HDAC4: variants seen among roughly 807,000 people sequenced by gnomAD.
The protein encoded by HDAC4 is histone deacetylase 4, also known as histone deacetylase A.
A neutral mutation model predicts 135.1 loss-of-function variants in HDAC4; 16 were observed. The observed-to-expected ratio is 0.12, with a 90% CI of 0.08 to 0.18. The LOEUF (loss-of-function observed/expected upper bound fraction) is 0.18, where lower values mean the gene tolerates loss of function less well. Ranked by LOEUF, HDAC4 falls within the 10% of genes least tolerant of loss-of-function variation. The pLI is 1.00. For missense variants in HDAC4, 1,143 were observed against 1,511.8 expected, an observed-to-expected ratio of 0.76 and a Z score of 4.05; for synonymous variants, 685 against 653.4, an observed-to-expected ratio of 1.05 and a Z score of -0.74.
chr2:239,337,322 C>T (rs13431432), intron 2 of HDAC4, among the ~76,000 whole-genome samples: 4 of 152,246 alleles, frequency 2.6e-5, no homozygotes, highest in Middle Eastern at 3.4e-3. Context: ...AGGCAGAAAA[C>T]GTCCACTTTG....
At position 239,180,817 on chromosome 2, in the gene HDAC4, C is replaced by A. The variant is rs143281769; in HGVS notation, c.340-4254G>T. ...CAGGCAGAAACCGCCTGCCCCATTG[C>A]AGTGACCCCAGCAGATAGCTCTGGA... On this transcript the variant is annotated intron_variant, in intron 4 of 26. Coordinates refer to ENST00000543185, the MANE Select transcript of HDAC4 (RefSeq NM_001378414.1). 4.7e-3 allele frequency among the ~76,000 whole-genome samples: 712 copies of A among 152,364 alleles called. 5 individuals carry two copies. Among genetic ancestry groups the A allele is most frequent in the Non-Finnish European group, 6.9e-3 (468 of 68,030 alleles).
At chr2:239,151,749 C>G in intron 7 of HDAC4, among the ~76,000 whole-genome samples, 1 of 152,224 alleles carries the variant, frequency 6.6e-6, no homozygotes, top group East Asian at 1.9e-4. Flanking sequence ...AACTTCTCAC[C>G]AAACGTGAGC....
intron 2 of HDAC4, among the ~76,000 whole-genome samples, chr2:239,266,343 C>A (rs192758523): frequency 6.6e-6 from 1 of 152,324 alleles, no homozygotes; most frequent in Admixed American, 6.5e-5. Flanking sequence ...CAATGCCCTG[C>A]ACTGCAAGCC....
At chr2:239,143,195 AG>A (rs759487152) in intron 8 of HDAC4, among the ~76,000 whole-genome samples, 2 of 152,190 alleles carry the variant, frequency 1.3e-5, no homozygotes, top group Non-Finnish European at 2.9e-5. Context: ...GGGTGACAAC[AG>A]GAACACCAGC....
rs1277137921 is a variant in HDAC4 at position 239,134,394 on chromosome 2, T to C, written c.1145A>G (p.Gln382Arg). The C allele has an allele frequency of 3.1e-6, 5 of 1,613,662 alleles. No individual in the cohort carries two copies. The highest frequency in any genetic ancestry group is 1.3e-5 in the African/African-American group (1 of 74,994). The change falls in exon 11 of 27, where the codon CAG becomes CGG. Residue 382 changes from glutamine to arginine, a missense_variant. This residue lies in a region of HDAC4 where 272 missense variants were observed against 309.7 expected (regional missense o/e 0.88). Coordinates refer to ENST00000543185, the MANE Select transcript of HDAC4 (RefSeq NM_001378414.1). Reference sequence around the variant, plus strand: ...GCCGGGGAAAAGGGAGAGCCTCTGCTGGAGGGCGGGAAGGGTGAGTCTCTC... The same window carrying C: ...GCCGGGGAAAAGGGAGAGCCTCTGCCGGAGGGCGGGAAGGGTGAGTCTCTC... ...DAERLTLPAL[Q>R]QRLSLFPGTH...
In HDAC4 at chr2:239,331,426, A is replaced by G. The variant is rs1051558855; in HGVS notation, c.22+21252T>C. ...CATAAAATATCTGAATAAAAGTGCT[A>G]TAAGAGCTGCTCAAGGCTGCAGATA... On this transcript the variant is annotated intron_variant, in intron 2 of 26. Coordinates refer to ENST00000543185, the MANE Select transcript of HDAC4 (RefSeq NM_001378414.1). The surrounding 1 kb of genome is among the most constrained non-coding windows in gnomAD (Gnocchi z 4.5). Among the ~76,000 whole-genome samples the G allele has an allele frequency of 1.3e-5, 2 of 152,214 alleles. No individual in the cohort carries two copies. The highest frequency in any genetic ancestry group is 1.5e-5 in the Non-Finnish European group (1 of 68,036).
chr2:239,130,984 TC>T (rs2040539381), intron 11 of HDAC4, among the ~76,000 whole-genome samples: 1 of 152,194 alleles, frequency 6.6e-6, no homozygotes, highest in South Asian at 2.1e-4. Flanking sequence ...GGGAATGGGC[TC>T]CTGAGCTCCA....
chr2:239,115,925 T>C lies in HDAC4; in HGVS notation c.1534-615A>G, dbSNP rs1042925293. 3.3e-5 allele frequency among the ~76,000 whole-genome samples: 5 copies of C among 152,114 alleles called. No homozygotes were observed. The highest frequency in any genetic ancestry group is 6.5e-5 in the Admixed American group (1 of 15,282). On this transcript the variant is annotated intron_variant, in intron 12 of 26. Coordinates refer to ENST00000543185, the MANE Select transcript of HDAC4 (RefSeq NM_001378414.1). The surrounding 1 kb of genome is among the most constrained non-coding windows in gnomAD (Gnocchi z 6.3). ...CTTCTGCAGGATCTCAGGGACACCA[T>C]GACCTCCTTTCTTGCAGGATTCCAT...
chr2:239,333,820 A>G (rs373701847), intron 2 of HDAC4, among the ~76,000 whole-genome samples: 3 of 152,344 alleles, frequency 2.0e-5, no homozygotes, highest in African/African-American at 2.4e-5. Context: ...AACTGCATTC[A>G]TCTCATGGAC....
chr2:239,109,655 CAATG>C (rs1389625475), intron 14 of HDAC4, among the ~76,000 whole-genome samples: 3 of 150,264 alleles, frequency 2.0e-5, no homozygotes, highest in Non-Finnish European at 4.4e-5. Context: ...TTACAGGAGT[CAATG>C]AAACTAGGAC....
chr2:239,314,511 A>G (rs2053034737), intron 2 of HDAC4, among the ~76,000 whole-genome samples: 1 of 152,236 alleles, frequency 6.6e-6, no homozygotes, highest in Admixed American at 6.5e-5. Flanking sequence ...TAAGGAAGAA[A>G]GGAGACAGAT....
chr2:239,365,486 G>C (rs1694129859), intron 1 of HDAC4, among the ~76,000 whole-genome samples: 1 of 152,242 alleles, frequency 6.6e-6, no homozygotes, highest in South Asian at 2.1e-4. Flanking sequence ...TCTGATTCTG[G>C]AACGTTCGGA....
At chr2:239,200,621 ATAT>A (rs762984941) in intron 3 of HDAC4, among the ~76,000 whole-genome samples, 3 of 152,200 alleles carry the variant, frequency 2.0e-5, no homozygotes, top group Non-Finnish European at 4.4e-5. Context: ...AGAATAAAAA[ATAT>A]TATGGTGCAA....
At chr2:239,302,173 T>A (rs1313590233) in intron 2 of HDAC4, among the ~76,000 whole-genome samples, 1 of 152,202 alleles carries the variant, frequency 6.6e-6, no homozygotes, top group African/African-American at 2.4e-5. Flanking sequence ...CTGCAGGCTT[T>A]ACTGTGAAAT....
intron 2 of HDAC4, among the ~76,000 whole-genome samples, chr2:239,321,392 G>A (rs527239894): frequency 6.7e-6 from 1 of 149,626 alleles, no homozygotes; most frequent in Admixed American, 6.7e-5. Context: ...GTGAACCCGG[G>A]AGACGGAGCT....
intron 4 of HDAC4, chr2:239,187,129 T>C (rs1462947791): frequency 6.5e-6 from 1 of 152,704 alleles, no homozygotes; most frequent in Non-Finnish European, 1.5e-5. Flanking sequence ...CAGGAGCCCC[T>C]GAGGCCATCC....
At chr2:239,209,975 G>A (rs1482200873) in intron 3 of HDAC4, among the ~76,000 whole-genome samples, 2 of 152,186 alleles carry the variant, frequency 1.3e-5, no homozygotes, top group African/African-American at 4.8e-5. Flanking sequence ...GGGTGGAGAG[G>A]CAGGGAGCGG....
intron 7 of HDAC4, among the ~76,000 whole-genome samples, chr2:239,153,772 C>G (rs1343510821): frequency 1.3e-5 from 2 of 152,214 alleles, no homozygotes; most frequent in Non-Finnish European, 2.9e-5. Flanking sequence ...AGGTTAGAAG[C>G]ACAGTAGAAG....
Position 239,108,191 on chromosome 2 carries a change from G to A in HDAC4, c.1979-8C>T, listed in dbSNP as rs201875453. 2.7e-4 allele frequency: 434 copies of A among 1,592,666 alleles called. No individual in the cohort carries two copies. Among genetic ancestry groups the A allele is most frequent in the East Asian group, 4.6e-4 (20 of 43,676 alleles). ...GCGTGTCATACACGAGGCCTGGGGC[G>A]GGGCAGAGGGGCCAAGATCAGCGCA... On this transcript the variant is annotated splice_polypyrimidine_tract_variant and splice_region_variant and intron_variant, in intron 14 of 26. Coordinates refer to ENST00000543185, the MANE Select transcript of HDAC4 (RefSeq NM_001378414.1).
Sources: gnomAD v4.1 joint callset for allele counts (sites outside exome capture counted in the v4.1 genomes callset) on GRCh38, gnomAD v4.1.1 for gene constraint, gnomAD v4.1.1 regional missense constraint, Gnocchi (gnomAD v3.1) non-coding constraint, MANE v1.5 for transcripts, NCBI Gene and HGNC (gene_info 2026-07-23, HGNC 2026-07-21) for gene names.